The following PACSIN2 variants were observed in gnomAD, a reference collection of about 807,000 sequenced individuals.
PACSIN2 encodes protein kinase C and casein kinase substrate in neurons protein 2.
PACSIN2 carries 25 observed loss-of-function variants against 63.8 expected under a neutral mutation model. The ratio of observed to expected loss-of-function variants is 0.39; its 90% CI spans 0.29 to 0.55. The LOEUF is 0.55. Among genes scored for constraint, PACSIN2 ranks in the 20% least tolerant of loss-of-function variants. The pLI is 0.62. For synonymous variants in PACSIN2, 255 were observed against 256.2 expected (o/e 1.00, Z 0.05); for missense variants, 518 against 646.9 (o/e 0.80, Z 2.16).
intron 6 of PACSIN2, 95 bp downstream of exon 6, chr22:42,884,291 G>T: frequency 8.6e-7 from 1 of 1,165,496 alleles, no homozygotes; most frequent in Non-Finnish European, 1.2e-6. Context: ...TGATGAACGC[G>T]CCATCCCAAA....
intron 1 of PACSIN2, among the ~76,000 whole-genome samples, chr22:42,916,850 T>C (rs1041232915): frequency 1.3e-5 from 2 of 152,178 alleles, no homozygotes; most frequent in African/African-American, 2.4e-5. Context: ...CTAAAAGTGA[T>C]AGCCATTGTT....
chr22:42,904,587 C>T lies in PACSIN2; in HGVS notation c.60+7434G>A, dbSNP rs907008324. On this transcript the variant is annotated intron_variant, in intron 2 of 10. Transcript: ENST00000263246. ...GTGTGAGAGACATCCAAAACTGGCT[C>T]GACCCCTAAGGTCCAAAGCCGATGA... Among the ~76,000 whole-genome samples the T allele has an allele frequency of 3.9e-5, 6 of 152,056 alleles. No homozygotes were observed. The South Asian group carries it at 8.3e-4, about 21-fold the overall frequency.
At chr22:43,007,510 C>T (rs1478834220) in intron 1 of PACSIN2, among the ~76,000 whole-genome samples, 1 of 152,160 alleles carries the variant, frequency 6.6e-6, no homozygotes, top group Non-Finnish European at 1.5e-5. Flanking sequence ...CCCCTCTCTC[C>T]CAGCCACTCC....
intron 1 of PACSIN2, among the ~76,000 whole-genome samples, chr22:42,968,241 G>A (rs769272642): frequency 2.0e-5 from 3 of 152,176 alleles, no homozygotes; most frequent in Non-Finnish European, 4.4e-5. Context: ...CTGTTTCACT[G>A]TTGTTGTTTT....
chr22:42,999,885 C>T (rs1183460716), intron 1 of PACSIN2, among the ~76,000 whole-genome samples: 1 of 152,180 alleles, frequency 6.6e-6, no homozygotes, highest in Non-Finnish European at 1.5e-5. Context: ...CAAAGAGTCC[C>T]AAGGCAAGAT....
At chr22:43,006,743 A>T (rs1402413146) in intron 1 of PACSIN2, among the ~76,000 whole-genome samples, 3 of 152,184 alleles carry the variant, frequency 2.0e-5, no homozygotes, top group African/African-American at 2.4e-5. Context: ...GGAACCTGGG[A>T]GGTGGAGGGT....
intron 8 of PACSIN2, among the ~76,000 whole-genome samples, chr22:42,877,250 A>G (rs757098681): frequency 2.6e-4 from 39 of 152,322 alleles, no homozygotes; most frequent in Admixed American, 9.1e-4. Flanking sequence ...ACCTGGAGAC[A>G]GTCCGTCCAG....
intron 1 of PACSIN2, among the ~76,000 whole-genome samples, chr22:42,912,729 G>A (rs1478343977): frequency 6.6e-6 from 1 of 152,212 alleles, no homozygotes; most frequent in African/African-American, 2.4e-5. Flanking sequence ...CCTGTTGGAG[G>A]GAAGAAACTG....
intron 4 of PACSIN2, among the ~76,000 whole-genome samples, chr22:42,890,236 G>A (rs112573018): frequency 0.022 from 3,394 of 152,004 alleles, 118 homozygotes; most frequent in African/African-American, 0.079. Context: ...TCCTGACCTC[G>A]TGATCCGCCT....
At chr22:42,916,904 T>G (rs781692334) in intron 1 of PACSIN2, among the ~76,000 whole-genome samples, 22 of 152,218 alleles carry the variant, frequency 1.4e-4, no homozygotes, top group Non-Finnish European at 2.4e-4. Context: ...CTCGGAAATG[T>G]TGGTGACTGG....
At chr22:42,998,660 T>C (rs1214617356) in intron 1 of PACSIN2, among the ~76,000 whole-genome samples, 2 of 152,320 alleles carry the variant, frequency 1.3e-5, no homozygotes, top group South Asian at 2.1e-4. Flanking sequence ...ATAGTAATGA[T>C]ACAAACACGA....
chr22:42,884,014 A>AAAAAGAAAAG lies in PACSIN2; in HGVS notation c.785+362_785+371dup, dbSNP rs1555908353. On this transcript the variant is annotated intron_variant, in intron 6 of 10. Transcript: ENST00000263246. The stretch of plus-strand genomic sequence containing the variant: ...AAGCAAGACTCCGTCTCAAAAAAAA[A>AAAAAGAAAAG]AAAAGAAAAGAAAAGATATGCCAGC... Among the ~76,000 whole-genome samples, 714 of 151,976 alleles carry AAAAAGAAAAG rather than the reference A, an allele frequency of 4.7e-3. 1 individual carries two copies. The highest frequency in any genetic ancestry group is 0.015 in the African/African-American group (622 of 41,306).
At chr22:42,922,589 G>A (rs904396569) in intron 1 of PACSIN2, among the ~76,000 whole-genome samples, 3 of 152,232 alleles carry the variant, frequency 2.0e-5, no homozygotes, top group Admixed American at 6.5e-5. Flanking sequence ...ACTGAGCACA[G>A]GCTGACCTGC....
intron 1 of PACSIN2, among the ~76,000 whole-genome samples, chr22:42,936,293 T>C (rs1932916233): frequency 1.3e-5 from 2 of 152,016 alleles, no homozygotes; most frequent in South Asian, 4.1e-4. Context: ...CTTCTGAGGA[T>C]TCACTTAGAT....
At chr22:42,940,759 T>C (rs1162331882) in intron 1 of PACSIN2, among the ~76,000 whole-genome samples, 1 of 152,132 alleles carries the variant, frequency 6.6e-6, no homozygotes, top group Non-Finnish European at 1.5e-5. Context: ...AAGAATAAAA[T>C]TCTGGGTATA....
chr22:42,944,284 G>A (rs1200220080), intron 1 of PACSIN2, among the ~76,000 whole-genome samples: 1 of 152,184 alleles, frequency 6.6e-6, no homozygotes, highest in East Asian at 1.9e-4. Context: ...CTAAGTCTCT[G>A]AGACTTGGGG....
intron 1 of PACSIN2, among the ~76,000 whole-genome samples, chr22:43,003,607 TAAAAC>T (rs1168172986): frequency 2.0e-5 from 3 of 152,060 alleles, no homozygotes; most frequent in Non-Finnish European, 2.9e-5. Context: ...TGTCTCAAAA[TAAAAC>T]AAAACAAAAC....
At chr22:42,901,113 T>A (rs1930654813) in intron 2 of PACSIN2, among the ~76,000 whole-genome samples, 1 of 152,074 alleles carries the variant, frequency 6.6e-6, no homozygotes, top group East Asian at 1.9e-4. Context: ...AGGATGATCT[T>A]CCCCTTTAAT....
rs1315012032 is a variant in PACSIN2 at position 42,989,340 on chromosome 22, T to C, written c.-78+25681A>G. 2.0e-5 allele frequency among the ~76,000 whole-genome samples: 3 copies of C among 150,828 alleles called. No homozygotes were observed. The East Asian group carries it at 5.8e-4, about 29-fold the overall frequency. ...GATGAAACCCCATCTCTACTAAAAA[T>C]ACAAAAAATTAGCTGGGTGTGGTGG... On this transcript the variant is annotated intron_variant, in intron 1 of 10. Coordinates refer to ENST00000263246, the MANE Select transcript of PACSIN2 (RefSeq NM_001184970.3).
Sources: allele counts gnomAD v4.1 joint callset (sites outside exome capture counted in the v4.1 genomes callset), GRCh38; gene constraint gnomAD v4.1.1; transcripts MANE v1.5; gene names NCBI Gene and HGNC (gene_info 2026-07-23, HGNC 2026-07-21).